The following SLC38A6 variants were observed in gnomAD, a reference collection of about 807,000 sequenced individuals.
SLC38A6 encodes N system amino acid transporter NAT-1.
SLC38A6 carries 73 observed loss-of-function variants against 65.0 expected under a neutral mutation model. The ratio of observed to expected loss-of-function variants is 1.12; its 90% CI spans 0.93 to 1.37. SLC38A6 has a LOEUF of 1.37. Ranked by LOEUF, SLC38A6 falls within the 40% of genes most tolerant of loss-of-function variation. The pLI, the probability that SLC38A6 is intolerant of heterozygous loss-of-function variation, is 0.00. For synonymous variants in SLC38A6, 183 were observed against 178.8 expected, an observed-to-expected ratio of 1.02 and a Z score of -0.19; for missense variants, 561 against 531.1, an observed-to-expected ratio of 1.06 and a Z score of -0.55.
intron 15 of SLC38A6, among the ~76,000 whole-genome samples, chr14:61,068,716 C>G (rs1240576667): frequency 2.0e-5 from 3 of 152,166 alleles, no homozygotes. Flanking sequence ...TGCTGGAAAT[C>G]TTGTTTATGT....
At position 61,015,960 on chromosome 14, in the gene SLC38A6, A is replaced by AT. The variant is rs2039980935; in HGVS notation, c.363+12dup. 1.9e-5 allele frequency: 30 copies of AT among 1,603,424 alleles called. No homozygotes were observed. Among genetic ancestry groups the AT allele is most frequent in the Admixed American group, 3.5e-5 (2 of 57,622 alleles). On this transcript the variant is annotated splice_donor_region_variant and intron_variant, in intron 4 of 15. Coordinates refer to ENST00000267488, the MANE Select transcript of SLC38A6 (RefSeq NM_153811.3). ...TGCATTTGGATTACCTGGAAAGGTA[A>AT]TTTTTTTTCCTCCTCATTGTGTCCA...
intron 3 of SLC38A6, among the ~76,000 whole-genome samples, chr14:60,986,680 C>T (rs2037472328): frequency 6.6e-6 from 1 of 152,080 alleles, no homozygotes; most frequent in Admixed American, 6.5e-5. Flanking sequence ...ATTTTAATTG[C>T]ATGTATTGAA....
At chr14:60,996,223 ACAGACT>A (rs1204293405) in intron 3 of SLC38A6, among the ~76,000 whole-genome samples, 2 of 152,234 alleles carry the variant, frequency 1.3e-5, no homozygotes, top group African/African-American at 4.8e-5. Flanking sequence ...AAGGAAAGAA[ACAGACT>A]CAGAGGAAAA....
intron 3 of SLC38A6, among the ~76,000 whole-genome samples, chr14:61,011,065 G>T (rs2039525757): frequency 6.6e-6 from 1 of 152,166 alleles, no homozygotes. Flanking sequence ...TCATTGAGCA[G>T]TGGTTTGTAG....
chr14:61,055,110 T>TC (rs2042665085), downstream of SLC38A6, among the ~76,000 whole-genome samples: 2 of 132,546 alleles, frequency 1.5e-5, no homozygotes, highest in South Asian at 5.0e-4. Flanking sequence ...CTTTTTCTTT[T>TC]TTTTTTTCTT....
intron 15 of SLC38A6, among the ~76,000 whole-genome samples, chr14:61,064,280 G>T (rs1172535058): frequency 6.6e-6 from 1 of 152,116 alleles, no homozygotes; most frequent in Non-Finnish European, 1.5e-5. Context: ...TTCTGTTTAT[G>T]ACATTATGGA....
chr14:61,079,793 A>G (rs1331606446), intron 16 of SLC38A6, among the ~76,000 whole-genome samples: 1 of 152,192 alleles, frequency 6.6e-6, no homozygotes, highest in Non-Finnish European at 1.5e-5. Flanking sequence ...GGTACAGTGC[A>G]GTATACTTGG....
intron 15 of SLC38A6, among the ~76,000 whole-genome samples, chr14:61,061,539 A>G (rs763792446): frequency 3.3e-5 from 5 of 152,136 alleles, no homozygotes; most frequent in Non-Finnish European, 5.9e-5. Context: ...ATTTCCACTG[A>G]TCATTTTACT....
chr14:61,053,929 T>C (rs2042616964), downstream of SLC38A6, among the ~76,000 whole-genome samples: 1 of 152,192 alleles, frequency 6.6e-6, no homozygotes, highest in Admixed American at 6.5e-5. Flanking sequence ...CTTGGTGCCT[T>C]TGTCATGAAA....
intron 4 of SLC38A6, among the ~76,000 whole-genome samples, chr14:61,018,478 G>A (rs1025162344): frequency 6.6e-6 from 1 of 152,082 alleles, no homozygotes; most frequent in Non-Finnish European, 1.5e-5. Context: ...TTTCAGTGTA[G>A]GCAAATGCTG....
At chr14:61,067,704 C>A (rs749196952) in intron 15 of SLC38A6, among the ~76,000 whole-genome samples, 7 of 151,688 alleles carry the variant, frequency 4.6e-5, no homozygotes, top group Non-Finnish European at 1.0e-4. Context: ...TATACATGCA[C>A]ACACACACAC....
intron 15 of SLC38A6, among the ~76,000 whole-genome samples, chr14:61,070,033 T>C (rs1366070890): frequency 1.3e-5 from 2 of 152,248 alleles, no homozygotes; most frequent in Non-Finnish European, 2.9e-5. Context: ...TTATGACTTT[T>C]TTTAGTTGTG....
intron 10 of SLC38A6, 107 bp from the exon 11 acceptor site, chr14:61,045,239 A>C (rs2042064337): frequency 4.3e-6 from 3 of 705,580 alleles, no homozygotes; most frequent in Non-Finnish European, 7.3e-6. Flanking sequence ...AAGATGAAAT[A>C]AATGTAATCA....
At chr14:61,041,183 A>G (rs1444708469) in intron 8 of SLC38A6, among the ~76,000 whole-genome samples, 1 of 152,126 alleles carries the variant, frequency 6.6e-6, no homozygotes, top group East Asian at 1.9e-4. Flanking sequence ...TCCAACCCCA[A>G]GACTTACCTT....
At chr14:61,015,351 C>T (rs2039926165) in intron 3 of SLC38A6, among the ~76,000 whole-genome samples, 1 of 152,152 alleles carries the variant, frequency 6.6e-6, no homozygotes, top group Admixed American at 6.5e-5. Context: ...ATGCCTCACC[C>T]TGCTTCGGCT....
At chr14:61,019,389 A>C in intron 4 of SLC38A6, 152 bp from the exon 5 acceptor site, 1 of 596,130 alleles carries the variant, frequency 1.7e-6, no homozygotes, top group African/African-American at 1.9e-5. Flanking sequence ...TATTAATTTT[A>C]TGTATTTCAA....
At chr14:61,034,198 G>A (rs2041188088) in intron 6 of SLC38A6, 1 of 152,106 alleles carries the variant, frequency 6.6e-6, no homozygotes, top group Non-Finnish European at 1.5e-5. Context: ...ATCTGAAATA[G>A]TATAAAGTAA....
chr14:61,007,697 A>C (rs371092316), intron 3 of SLC38A6, among the ~76,000 whole-genome samples: 24 of 13,642 alleles, frequency 1.8e-3, no homozygotes, highest in East Asian at 0.015. Context: ...CTGAAAATGA[A>C]CACCGATATA....
intron 3 of SLC38A6, among the ~76,000 whole-genome samples, chr14:60,990,635 A>G (rs549002401): frequency 6.6e-6 from 1 of 151,982 alleles, no homozygotes; most frequent in East Asian, 1.9e-4. Context: ...CTTCACTTCA[A>G]AAAAAATTTT....
Sources: gnomAD v4.1 joint callset for allele counts (sites outside exome capture counted in the v4.1 genomes callset) on GRCh38, gnomAD v4.1.1 for gene constraint, MANE v1.5 for transcripts, NCBI Gene and HGNC (gene_info 2026-07-23, HGNC 2026-07-21) for gene names.